The following SCAPER variants were observed in gnomAD, a reference collection of about 807,000 sequenced individuals.
The protein encoded by SCAPER is S phase cyclin A-associated protein in the endoplasmic reticulum.
In SCAPER, 98 loss-of-function variants were observed where a neutral mutation model predicts 182.2. That is an observed-to-expected ratio of 0.54 (90% CI 0.46 to 0.64). The LOEUF (loss-of-function observed/expected upper bound fraction) is 0.64, where lower values mean the gene tolerates loss of function less well. Ranked by LOEUF, SCAPER falls within the 30% of genes least tolerant of loss-of-function variation. The pLI, the probability that SCAPER is intolerant of heterozygous loss-of-function variation, is 0.00. For synonymous variants in SCAPER, 605 were observed against 564.6 expected (o/e 1.07, Z -1.01); for missense variants, 1,432 against 1,690.0 (o/e 0.85, Z 2.68).
intron 22 of SCAPER, among the ~76,000 whole-genome samples, chr15:76,619,975 C>A (rs1020268164): frequency 2.0e-5 from 3 of 152,090 alleles, no homozygotes; most frequent in African/African-American, 7.2e-5. Flanking sequence ...AGGTGGGAGG[C>A]TGAGGCACAA....
chr15:76,395,581 G>A (rs1271332510), intron 27 of SCAPER, among the ~76,000 whole-genome samples: 1 of 152,068 alleles, frequency 6.6e-6, no homozygotes, highest in Non-Finnish European at 1.5e-5. Flanking sequence ...GTTTTGATTT[G>A]CATTTCTCTG....
chr15:76,526,408 T>C lies in SCAPER; in HGVS notation c.2839-21434A>G, dbSNP rs2043202656. Among the ~76,000 whole-genome samples the C allele has an allele frequency of 4.6e-5, 7 of 152,210 alleles. No individual in the cohort carries two copies. The South Asian group carries it at 1.0e-3, about 22-fold the overall frequency. Reference sequence around the variant, plus strand: ...TACTCTAGTAGTTTAAAGTATTTTCTTCTTCTCTTTGATCTTTTGCAGTTT... The same window carrying C: ...TACTCTAGTAGTTTAAAGTATTTTCCTCTTCTCTTTGATCTTTTGCAGTTT... On this transcript the variant is annotated intron_variant, in intron 23 of 31. Transcript: ENST00000563290.
intron 17 of SCAPER, among the ~76,000 whole-genome samples, chr15:76,707,233 T>C (rs1479185240): frequency 1.3e-5 from 2 of 152,002 alleles, no homozygotes; most frequent in Non-Finnish European, 2.9e-5. Context: ...CAAAAAAGAC[T>C]TGAGACATAG....
intron 21 of SCAPER, among the ~76,000 whole-genome samples, chr15:76,645,821 A>G (rs1032389932): frequency 5.3e-5 from 8 of 152,196 alleles, no homozygotes; most frequent in African/African-American, 1.9e-4. Flanking sequence ...TCACAAAGTA[A>G]ATAACCAAAT....
At chr15:76,550,986 C>T (rs1211945280) in intron 23 of SCAPER, among the ~76,000 whole-genome samples, 1 of 151,842 alleles carries the variant, frequency 6.6e-6, no homozygotes, top group Non-Finnish European at 1.5e-5. Flanking sequence ...CAGGGAAATG[C>T]AATCCAAAAC....
chr15:76,776,539 T>TGTGG (rs1197337049), intron 8 of SCAPER, among the ~76,000 whole-genome samples: 7 of 152,258 alleles, frequency 4.6e-5, no homozygotes, highest in Non-Finnish European at 8.8e-5. Context: ...CCAGCATCAA[T>TGTGG]GAGGCAGAAA....
At chr15:76,682,273 C>CCA (rs879869368) in intron 20 of SCAPER, among the ~76,000 whole-genome samples, 1 of 143,862 alleles carries the variant, frequency 7.0e-6, no homozygotes, top group East Asian at 2.5e-4. Context: ...TTCCCCCCCC[C>CCA]ACCCCACAGT....
chr15:76,395,080 A>C (rs1418766108), intron 27 of SCAPER, among the ~76,000 whole-genome samples: 3 of 152,192 alleles, frequency 2.0e-5, no homozygotes, highest in Non-Finnish European at 4.4e-5. Flanking sequence ...GATCCCACAA[A>C]TAAGTGAGAA....
At chr15:76,387,523 G>C (rs551721028) in intron 27 of SCAPER, among the ~76,000 whole-genome samples, 2 of 152,224 alleles carry the variant, frequency 1.3e-5, no homozygotes, top group Non-Finnish European at 2.9e-5. Context: ...TCAACACAGA[G>C]ATGGTATTTA....
At chr15:76,621,703 G>T in intron 22 of SCAPER, 61 bp downstream of exon 22, 1 of 1,297,662 alleles carries the variant, frequency 7.7e-7, no homozygotes, top group Non-Finnish European at 1.1e-6. Context: ...TGATGGTTGA[G>T]ATACACTTTT....
At chr15:76,399,625 G>A (rs2044316784) in intron 27 of SCAPER, among the ~76,000 whole-genome samples, 1 of 152,184 alleles carries the variant, frequency 6.6e-6, no homozygotes, top group South Asian at 2.1e-4. Context: ...CCTGGTACAA[G>A]TCATCAGCTA....
At chr15:76,519,677 C>T (rs1420161348) in intron 23 of SCAPER, among the ~76,000 whole-genome samples, 4 of 152,156 alleles carry the variant, frequency 2.6e-5, no homozygotes, top group Admixed American at 6.5e-5. Flanking sequence ...CTCTTATCCT[C>T]TTGATGCCTC....
Position 76,351,220 on chromosome 15 carries a change from T to C in SCAPER, c.4099+17A>G. ...TGGCTAACAAACACATGAAATTTAA[T>C]TTCAATAGAGACATACCTTTGGGTT... On this transcript the variant is annotated intron_variant, in intron 31 of 31. Coordinates refer to ENST00000563290, the MANE Select transcript of SCAPER (RefSeq NM_020843.4). The C allele has an allele frequency of 6.3e-7, 1 of 1,598,122 alleles. No individual in the cohort carries two copies. Among genetic ancestry groups the C allele is most frequent in the Non-Finnish European group, 8.5e-7 (1 of 1,171,936 alleles).
At chr15:76,445,048 T>C (rs1214195442) in intron 25 of SCAPER, among the ~76,000 whole-genome samples, 1 of 152,198 alleles carries the variant, frequency 6.6e-6, no homozygotes, top group Non-Finnish European at 1.5e-5. Flanking sequence ...AACTGTATAG[T>C]GGTGAAGTCT....
At chr15:76,349,977 A>C (rs1166819880) in intron 31 of SCAPER, 1 of 152,246 alleles carries the variant, frequency 6.6e-6, no homozygotes, top group Non-Finnish European at 1.5e-5. Flanking sequence ...CAAACAAAAC[A>C]AAACAAAACT....
intron 21 of SCAPER, among the ~76,000 whole-genome samples, chr15:76,641,503 T>G (rs533812977): frequency 3.3e-5 from 5 of 152,174 alleles, no homozygotes; most frequent in African/African-American, 1.2e-4. Context: ...ATCTTGTATG[T>G]GTCTATTATT....
intron 25 of SCAPER, among the ~76,000 whole-genome samples, chr15:76,446,730 C>T (rs10519141): frequency 0.017 from 2,593 of 152,198 alleles, 89 homozygotes; most frequent in East Asian, 0.11. Flanking sequence ...CTGAAGTAGA[C>T]AAATTCATAT....
chr15:76,837,996 T>C (rs150864285), intron 5 of SCAPER, among the ~76,000 whole-genome samples: 2,394 of 152,288 alleles, frequency 0.016, 26 homozygotes, highest in Non-Finnish European at 0.025. Context: ...GTTTGGAGAT[T>C]TCTCAAAGAA....
chr15:76,771,719 C>A, intron 10 of SCAPER, 23 bp downstream of exon 10: 2 of 1,582,040 alleles, frequency 1.3e-6, no homozygotes, highest in Non-Finnish European at 1.7e-6. Context: ...ATAAGTTGTT[C>A]TTACCAAGTT....
Sources: allele counts gnomAD v4.1 joint callset (sites outside exome capture counted in the v4.1 genomes callset), GRCh38; gene constraint gnomAD v4.1.1; transcripts MANE v1.5; gene names NCBI Gene and HGNC (gene_info 2026-07-23, HGNC 2026-07-21).